The following YBEY variants were observed in gnomAD, a reference collection of about 807,000 sequenced individuals.
YBEY encodes endoribonuclease YbeY.
YBEY carries 15 observed loss-of-function variants against 13.5 expected under a neutral mutation model. The observed-to-expected ratio is 1.11, with a 90% CI of 0.75 to 1.72. The LOEUF is 1.72. Ranked by LOEUF, YBEY falls within the 40% of genes most tolerant of loss-of-function variation. The pLI is 0.00. For missense variants in YBEY, 244 were observed against 208.4 expected (o/e 1.17, Z -1.05); for synonymous variants, 101 against 83.1 (o/e 1.21, Z -1.17).
intron 3 of YBEY, chr21:46,292,324 C>T (rs942546411): frequency 6.6e-6 from 1 of 152,244 alleles, no homozygotes; most frequent in Non-Finnish European, 1.5e-5. Context: ...GAAGCAAGGC[C>T]TGCGGGCTGG....
At chr21:46,294,686 CAG>C (rs1016689949) in intron 3 of YBEY, among the ~76,000 whole-genome samples, 2 of 150,882 alleles carry the variant, frequency 1.3e-5, no homozygotes, top group Non-Finnish European at 3.0e-5. Flanking sequence ...GCCCGGGACT[CAG>C]TGGAGTCAGC....
the YBEY span, among the ~76,000 whole-genome samples, chr21:46,312,220 T>C: frequency 2.6e-5 from 4 of 152,212 alleles, no homozygotes; most frequent in Admixed American, 2.0e-4. Context: ...TAGGATGTAG[T>C]ATTTTTAATG....
At chr21:46,302,735 G>C (rs1355311441), downstream of YBEY, among the ~76,000 whole-genome samples, 1 of 149,922 alleles carries the variant, frequency 6.7e-6, no homozygotes, top group Non-Finnish European at 1.5e-5. Flanking sequence ...GGGTCCCCGG[G>C]GCGCGCCCTG....
chr21:46,296,273 G>A, intron 4 of YBEY, 43 bp downstream of exon 4: 1 of 1,609,664 alleles, frequency 6.2e-7, no homozygotes, highest in Non-Finnish European at 8.5e-7. Flanking sequence ...GTGCGTGGGG[G>A]AAGGAGGCTC....
In YBEY at chr21:46,296,224, G is replaced by T. The variant is rs1290301838; in HGVS notation, c.402G>T (p.Trp134Cys). 6.2e-7 allele frequency: 1 copy of T among 1,613,644 alleles called. No individual in the cohort carries two copies. The highest frequency in any genetic ancestry group is 8.5e-7 in the Non-Finnish European group (1 of 1,180,018). The change falls in exon 4 of 5, where the codon TGG (tryptophan) becomes TGT (cysteine). Residue 134 changes from tryptophan (W) to cysteine (C), a missense_variant. By Grantham distance (215) the Trp-to-Cys change is radical (BLOSUM62 -2). Transcript: ENST00000397701. ...LGFTHGTEAE[W>C]QQMFQKEKAV... Reference sequence around the variant, plus strand: ...TCACACACGGCACGGAGGCAGAGTGGCAGCAGGTAAGGAGCCCATCCATCC... The same window carrying T: ...TCACACACGGCACGGAGGCAGAGTGTCAGCAGGTAAGGAGCCCATCCATCC...
chr21:46,288,989 A>C (rs1488042518), intron 2 of YBEY, among the ~76,000 whole-genome samples: 2 of 152,040 alleles, frequency 1.3e-5, no homozygotes, highest in Non-Finnish European at 2.9e-5. Context: ...GCACCTCTGC[A>C]CTCCACCCTG....
At chr21:46,307,439 C>A in the YBEY span, among the ~76,000 whole-genome samples, 2 of 152,182 alleles carry the variant, frequency 1.3e-5, no homozygotes, top group South Asian at 4.1e-4. Flanking sequence ...AGCATAGGCA[C>A]ACACACACCC....
At chr21:46,304,187 C>T in the YBEY span, among the ~76,000 whole-genome samples, 514 of 151,162 alleles carry the variant, frequency 3.4e-3, 1 homozygote, top group Non-Finnish European at 5.6e-3. Flanking sequence ...CCACCACGCC[C>T]GGCTAATTTT....
downstream of YBEY, chr21:46,301,662 C>T (rs1163307690): frequency 6.1e-5 from 68 of 1,115,192 alleles, no homozygotes; most frequent in Non-Finnish European, 7.2e-5. Flanking sequence ...CTCAACTTTA[C>T]CTCCGTGATG....
At chr21:46,304,549 T>C in the YBEY span, among the ~76,000 whole-genome samples, 1 of 144,920 alleles carries the variant, frequency 6.9e-6, no homozygotes, top group Non-Finnish European at 1.5e-5. Flanking sequence ...AAAAGTGAAA[T>C]GCAAATTAAA....
chr21:46,313,022 C>A, the YBEY span: 1 of 985,418 alleles, frequency 1.0e-6, no homozygotes, highest in Non-Finnish European at 1.2e-6. Context: ...GGCTGCCTGG[C>A]CTTGTCCCTT....
chr21:46,291,265 A>T, intron 2 of YBEY, 69 bp from the exon 3 acceptor site: 1 of 1,598,938 alleles, frequency 6.3e-7, no homozygotes, highest in South Asian at 1.1e-5. Flanking sequence ...ATTAACCAGG[A>T]TGAAACCTGT....
chr21:46,310,585 G>T, the YBEY span, among the ~76,000 whole-genome samples: 1 of 151,858 alleles, frequency 6.6e-6, no homozygotes, highest in Non-Finnish European at 1.5e-5. Context: ...GAGGTGGGCG[G>T]ATCACCTGAG....
downstream of YBEY, chr21:46,300,926 C>A: frequency 1.2e-6 from 1 of 830,014 alleles, no homozygotes; most frequent in South Asian, 1.8e-5. Flanking sequence ...GTCAAGGTAG[C>A]CTGTCCACAT....
chr21:46,296,320 C>A, intron 4 of YBEY, 90 bp downstream of exon 4: 1 of 1,456,304 alleles, frequency 6.9e-7, no homozygotes, highest in Non-Finnish European at 9.5e-7. Context: ...TCCATCTTGA[C>A]CGCCCCCGCA....
intron 2 of YBEY, among the ~76,000 whole-genome samples, chr21:46,289,452 T>TTC (rs1415496607): frequency 7.3e-6 from 1 of 137,336 alleles, no homozygotes; most frequent in Non-Finnish European, 1.6e-5. Flanking sequence ...TTTTGTTTTT[T>TTC]TTTTTTTTTT....
At chr21:46,302,299 G>A (rs547534643), downstream of YBEY, 135 of 1,353,832 alleles carry the variant, frequency 1.0e-4, no homozygotes, top group African/African-American at 1.9e-4. Context: ...CTCCTCCCCC[G>A]CCCCAAATTG....
At chr21:46,291,236 A>T in intron 2 of YBEY, 98 bp from the exon 3 acceptor site, 2 of 1,426,216 alleles carry the variant, frequency 1.4e-6, no homozygotes, top group Non-Finnish European at 1.9e-6. Flanking sequence ...CTCAGAGATA[A>T]GTGCTTATTT....
chr21:46,311,979 C>G, the YBEY span, among the ~76,000 whole-genome samples: 1 of 129,958 alleles, frequency 7.7e-6, no homozygotes, highest in Non-Finnish European at 1.7e-5. Flanking sequence ...ACCCACCCAT[C>G]CATCCACCCA....
Sources: allele counts gnomAD v4.1 joint callset (sites outside exome capture counted in the v4.1 genomes callset), GRCh38; gene constraint gnomAD v4.1.1; transcripts MANE v1.5; gene names NCBI Gene and HGNC (gene_info 2026-07-23, HGNC 2026-07-21).